Variants in UPF1 observed in about 807,000 individuals in gnomAD.
The protein encoded by UPF1 is UPF1 RNA helicase and ATPase.
Under a neutral mutation model 129.2 loss-of-function variants are expected in UPF1, and 9 were observed. The ratio of observed to expected loss-of-function variants is 0.07; its 90% CI spans 0.04 to 0.12. UPF1 has a LOEUF of 0.12. UPF1 is among the 10% of genes least tolerant of loss of function. The pLI is 1.00. For synonymous variants in UPF1, 649 were observed against 644.9 expected (o/e 1.01, Z -0.10); for missense variants, 788 against 1,525.3 (o/e 0.52, Z 8.05).
chr19:18,849,920 G>A (rs2055639837), intron 3 of UPF1, 155 bp from the exon 4 acceptor site: 2 of 880,592 alleles, frequency 2.3e-6, no homozygotes, highest in Non-Finnish European at 3.4e-6. Context: ...TAGTTTGGGG[G>A]AGGGCTGGCC....
intron 1 of UPF1, among the ~76,000 whole-genome samples, chr19:18,836,090 C>T (rs546806635): frequency 1.3e-5 from 2 of 152,292 alleles, no homozygotes; most frequent in Admixed American, 1.3e-4. Context: ...CCCTTGAGAT[C>T]CTGGGATGAA....
intron 17 of UPF1, among the ~76,000 whole-genome samples, chr19:18,861,478 G>A (rs1281941990): frequency 1.3e-5 from 2 of 152,184 alleles, no homozygotes; most frequent in African/African-American, 2.4e-5. Context: ...TTTTGAGCAC[G>A]GCTCAGGTTC....
intron 1 of UPF1, among the ~76,000 whole-genome samples, chr19:18,843,112 C>G (rs942754486): frequency 2.0e-5 from 3 of 152,198 alleles, no homozygotes; most frequent in South Asian, 2.1e-4. Context: ...TATGAGCCAT[C>G]ACGCCTGGCC....
Position 18,832,356 on chromosome 19 carries a change from C to A in UPF1, c.147C>A (p.Gly49=). The change falls in exon 1 of 24, where the codon GGC becomes GGA. Residue 49 remains glycine (G), a synonymous_variant. Transcript: ENST00000262803. This position sits in a 1 kb window ranked among gnomAD's most constrained non-coding sequence, Gnocchi z 5.6. The stretch of plus-strand genomic sequence containing the variant: ...CTAGCCAGACGCAGACGCCCCCCGG[C>A]GGCCCCGGCGGCCCGGGCGGTGGCG... The part of the protein sequence containing the change: ...TLPSQTQTPP[G]GPGGPGGGGA... 1.5e-6 allele frequency: 2 copies of A among 1,336,666 alleles called. No individual in the cohort carries two copies. Among genetic ancestry groups the A allele is most frequent in the Non-Finnish European group, 2.0e-6 (2 of 1,020,790 alleles). The allele number at this position is 1,336,666 out of a possible 1,614,324, so 82.8% of individuals were successfully genotyped here. A position where few individuals can be genotyped will look rare whatever the true frequency, so the allele number is the denominator to read the frequency against.
rs371034118 is a variant in UPF1, at chr19:18,860,838, G to A, written c.2313G>A (p.Ala771=). ...CTGGGTTTCTTAGGACCGAGGCTGC[G>A]AACGTGGAGAAGATCACCACGAAGT... ...GTSYLNRTEA[A]NVEKITTKLL... The change falls in exon 17 of 24, where the codon GCG becomes GCA. Residue 771 remains alanine (A), a synonymous_variant. Coordinates refer to ENST00000262803, the MANE Select transcript of UPF1 (RefSeq NM_002911.4). The A allele has an allele frequency of 4.0e-5, 64 of 1,612,280 alleles. No homozygotes were observed. Among genetic ancestry groups the A allele is most frequent in the Non-Finnish European group, 5.3e-5 (62 of 1,179,630 alleles).
intron 15 of UPF1, chr19:18,859,815 G>A (rs999807982): frequency 1.3e-5 from 2 of 153,076 alleles, no homozygotes; most frequent in Non-Finnish European, 2.9e-5. Context: ...AGGACGCCCC[G>A]GCCCCCAAGC....
chr19:18,861,503 G>T (rs1044318189), intron 17 of UPF1, among the ~76,000 whole-genome samples: 1 of 152,234 alleles, frequency 6.6e-6, no homozygotes, highest in Non-Finnish European at 1.5e-5. Flanking sequence ...GGATGAGCAC[G>T]TGTGCTCTTA....
At position 18,853,113 on chromosome 19, in the gene UPF1, A is replaced by C; in HGVS notation, c.1057+42A>C. 1 of 1,611,908 alleles carries C rather than the reference A, an allele frequency of 6.2e-7. No individual in the cohort carries two copies. The highest frequency in any genetic ancestry group is 8.5e-7 in the Non-Finnish European group (1 of 1,178,530). ...CATAATTTGGTTAAGAGGTGATTTT[A>C]AGTTTTAAAATATTTGTGACCATAA... On this transcript the variant is annotated intron_variant, in intron 7 of 23. Transcript: ENST00000262803. This position sits in a 1 kb window ranked among gnomAD's most constrained non-coding sequence, Gnocchi z 4.4.
At chr19:18,848,863 A>T (rs2055627729) in intron 3 of UPF1, 1 of 152,252 alleles carries the variant, frequency 6.6e-6, no homozygotes, top group Non-Finnish European at 1.5e-5. Flanking sequence ...CTATGTTTGC[A>T]TTTAGTTCCT....
At chr19:18,845,928 C>T (rs2145944408) in intron 1 of UPF1, 52 bp from the exon 2 acceptor site, 8 of 1,600,584 alleles carry the variant, frequency 5.0e-6, no homozygotes, top group Non-Finnish European at 6.8e-6. Context: ...TTCTTCTGCA[C>T]TGAGTCCTGG....
At chr19:18,863,381 G>A (rs1408558533) in intron 18 of UPF1, 57 bp from the exon 19 acceptor site, 19 of 1,587,872 alleles carry the variant, frequency 1.2e-5, no homozygotes, top group Middle Eastern at 3.4e-4. Flanking sequence ...CTCTTGGACC[G>A]TCCTGTGAGA....
rs762340593 is a variant in UPF1, at chr19:18,857,541, G to A, written c.2182+8G>A. ...AGAATGGTGTCACTGCAGGTAACGG[G>A]GCTCTGCCCAGGGCAGGGGCTTCTA... On this transcript the variant is annotated splice_region_variant and intron_variant, in intron 15 of 23. Transcript: ENST00000262803. The A allele has an allele frequency of 6.8e-6, 11 of 1,606,666 alleles. No individual in the cohort carries two copies. In the South Asian group the frequency reaches 1.1e-4, roughly 16 times the overall value.
intron 15 of UPF1, among the ~76,000 whole-genome samples, chr19:18,857,786 G>A (rs1026429248): frequency 1.3e-5 from 2 of 152,224 alleles, no homozygotes; most frequent in African/African-American, 2.4e-5. Context: ...AGCCTCATGT[G>A]GCAGCATGCA....
chr19:18,856,812 C>A lies in UPF1; in HGVS notation c.1825-65C>A. The A allele has an allele frequency of 2.6e-6, 4 of 1,542,884 alleles. No homozygotes were observed. The South Asian group carries it at 5.0e-5, about 19-fold the overall frequency. On this transcript the variant is annotated intron_variant, in intron 13 of 23. Coordinates refer to ENST00000262803, the MANE Select transcript of UPF1 (RefSeq NM_002911.4). Reference sequence around the variant, plus strand: ...GGAGAGCTTCTGTGTTCTGTCCCACCTGCCCTCCGGGGTCTGGTGGCGTTT... The same window carrying A: ...GGAGAGCTTCTGTGTTCTGTCCCACATGCCCTCCGGGGTCTGGTGGCGTTT...
intron 1 of UPF1, among the ~76,000 whole-genome samples, chr19:18,836,759 T>C (rs1458626718): frequency 1.3e-5 from 2 of 151,230 alleles, no homozygotes; most frequent in Non-Finnish European, 3.0e-5. Context: ...ATTTTTTTTT[T>C]TTTTTTTTTT....
At position 18,852,992 on chromosome 19, in the gene UPF1, A is replaced by G. The variant is rs778040369; in HGVS notation, c.978A>G (p.Gln326=). ...YDKKLKESQT[Q]DNITVRWDLG... is the part of the protein sequence containing the mutation. ...CTTGTTTTTCATGTGCTCAGACTCA[A>G]GATAACATCACTGTCAGGTGGGACC... Residue 326 remains glutamine, a synonymous_variant, in exon 7 of 24, where the codon CAA becomes CAG. Coordinates refer to ENST00000262803, the MANE Select transcript of UPF1 (RefSeq NM_002911.4). 8 of 1,613,924 alleles carry G rather than the reference A, an allele frequency of 5.0e-6. No individual in the cohort carries two copies. The highest frequency in any genetic ancestry group is 2.2e-5 in the East Asian group (1 of 44,848).
intron 15 of UPF1, among the ~76,000 whole-genome samples, chr19:18,858,474 G>C (rs766704426): frequency 6.6e-6 from 1 of 152,122 alleles, no homozygotes; most frequent in East Asian, 1.9e-4. Context: ...ATGACCAGCA[G>C]AGTGTCACGA....
At chr19:18,852,918 G>A (rs1024623532) in intron 6 of UPF1, 69 bp from the exon 7 acceptor site, 22 of 1,338,582 alleles carry the variant, frequency 1.6e-5, no homozygotes, top group Admixed American at 2.0e-5. Flanking sequence ...ATGGGGCCTC[G>A]GGCATGTGGA....
chr19:18,854,741 C>T (rs1424791081), intron 9 of UPF1, 32 bp downstream of exon 9: 3 of 1,608,528 alleles, frequency 1.9e-6, no homozygotes, highest in South Asian at 1.1e-5. Flanking sequence ...CCCCCTGTTC[C>T]CTGGTTGCCA....
Sources: gnomAD v4.1 joint callset for allele counts (sites outside exome capture counted in the v4.1 genomes callset) on GRCh38, gnomAD v4.1.1 for gene constraint, Gnocchi (gnomAD v3.1) non-coding constraint, MANE v1.5 for transcripts, NCBI Gene and HGNC (gene_info 2026-07-23, HGNC 2026-07-21) for gene names.